Variants in PARP1 observed in about 807,000 individuals in gnomAD.
The protein encoded by PARP1 is poly(ADP-ribose) polymerase 1, also known as poly [ADP-ribose] polymerase 1.
A neutral mutation model predicts 118.7 loss-of-function variants in PARP1; 44 were observed. The observed-to-expected ratio is 0.37, with a 90% CI of 0.29 to 0.48. The LOEUF is 0.48. Among genes scored for constraint, PARP1 ranks in the 20% least tolerant of loss-of-function variants. The pLI, the probability that PARP1 is intolerant of heterozygous loss-of-function variation, is 0.99. For missense variants in PARP1, 1,100 were observed against 1,272.4 expected (o/e 0.86, Z 2.06); for synonymous variants, 492 against 483.2 (o/e 1.02, Z -0.24).
In PARP1 at chr1:226,379,945, C is replaced by A. The variant is rs775273327; in HGVS notation, c.1520G>T (p.Ser507Ile). The A allele has an allele frequency of 4.0e-5, 65 of 1,613,900 alleles. No individual in the cohort carries two copies. The South Asian group carries it at 6.8e-4, about 17-fold the overall frequency. ...ACCTTCCTCCTTGACCTGGCCCTTG[C>A]TTTTTTTGGAGAGCGCAGCCCCTGA... ...GKSGAALSKK[S>I]KGQVKEEGIN... The change falls in exon 10 of 23, where the codon AGC becomes ATC. Residue 507 changes from serine to isoleucine, a missense_variant. Physicochemically the swap from Ser to Ile is moderately radical, Grantham distance 142. Around this residue, in one of 2 missense-constraint regions of PARP1, gnomAD observed 948 missense variants for 1,031.8 expected, o/e 0.92. Coordinates refer to ENST00000366794, the MANE Select transcript of PARP1 (RefSeq NM_001618.4).
At chr1:226,367,686 T>A in intron 16 of PARP1, 78 bp from the exon 17 acceptor site, 3 of 1,546,580 alleles carry the variant, frequency 1.9e-6, no homozygotes, top group Non-Finnish European at 2.7e-6. Context: ...AGAGAAAACC[T>A]ACATGCAGAG....
chr1:226,381,299 G>T (rs901927041), intron 8 of PARP1, 91 bp from the exon 9 acceptor site: 1 of 1,467,686 alleles, frequency 6.8e-7, no homozygotes, highest in East Asian at 2.3e-5. Context: ...GCCAAGCAGC[G>T]AGCTCCTGGG....
Position 226,383,131 on chromosome 1 carries a change from C to T in PARP1, c.1064G>A (p.Arg355His), listed in dbSNP as rs746522692. 6.8e-6 allele frequency: 11 copies of T among 1,612,144 alleles called. No homozygotes were observed. The highest frequency in any genetic ancestry group is 1.8e-4 in the Middle Eastern group (1 of 5,536). The stretch of plus-strand genomic sequence containing the variant: ...GGCGCTGGTTTCTGGGGGGAATATA[C>T]GGTCCTGTTTTTTAACCTTCAATTT... ...LKKLKVKKQDRIFPPETSASV... is the reference protein window; with the variant it reads ...LKKLKVKKQDHIFPPETSASV... Residue 355 changes from arginine to histidine, a missense_variant, in exon 8 of 23, where the codon CGT (arginine) becomes CAT (histidine). Physicochemically the swap from Arg to His is conservative, Grantham distance 29. This residue lies in a region of PARP1 where 948 missense variants were observed against 1,031.8 expected (regional missense o/e 0.92). Coordinates refer to ENST00000366794, the MANE Select transcript of PARP1 (RefSeq NM_001618.4).
At position 226,403,114 on chromosome 1, in the gene PARP1, T is replaced by C. The variant is rs1263375495; in HGVS notation, c.121-735A>G. Among the ~76,000 whole-genome samples the C allele has an allele frequency of 2.6e-5, 4 of 152,324 alleles. No individual in the cohort carries two copies. The East Asian group carries it at 7.7e-4, about 29-fold the overall frequency. ...AGAAGTCTGGCCACAGGGAACACAG[T>C]TCCCCTCTCCAGGTGGTTTGCTTCC... On this transcript the variant is annotated intron_variant, in intron 1 of 22. Transcript: ENST00000366794.
At chr1:226,365,807 C>T (rs979540041) in intron 18 of PARP1, 147 bp downstream of exon 18, 5 of 576,680 alleles carry the variant, frequency 8.7e-6, no homozygotes, top group Non-Finnish European at 1.6e-5. Flanking sequence ...AAAAAAACTA[C>T]TAATTTTTCT....
chr1:226,393,392 G>T (rs900192725), intron 2 of PARP1, among the ~76,000 whole-genome samples: 41 of 152,326 alleles, frequency 2.7e-4, no homozygotes, highest in African/African-American at 9.9e-4. Context: ...TCTGCAATTT[G>T]ATCCATGGAT....
intron 17 of PARP1, 195 bp from the exon 18 acceptor site, chr1:226,366,247 C>T: frequency 3.4e-6 from 2 of 588,962 alleles, no homozygotes; most frequent in South Asian, 3.7e-5. Flanking sequence ...AAGCCTCCAC[C>T]TCTTCATCTA....
At chr1:226,403,420 C>T (rs3219022) in intron 1 of PARP1, among the ~76,000 whole-genome samples, 34,271 of 152,122 alleles carry the variant, frequency 0.23, 4,640 homozygotes, top group African/African-American at 0.37. Context: ...CCTCGTGACC[C>T]GCCCGCCTCG....
In PARP1 at chr1:226,379,566, T is replaced by C; in HGVS notation, c.1612+7A>G. 6.2e-7 allele frequency: 1 copy of C among 1,611,562 alleles called. No individual in the cohort carries two copies. Among genetic ancestry groups the C allele is most frequent in the South Asian group, 1.1e-5 (1 of 90,872 alleles). On this transcript the variant is annotated splice_region_variant and intron_variant, in intron 11 of 22. Coordinates refer to ENST00000366794, the MANE Select transcript of PARP1 (RefSeq NM_001618.4). ...AGCCCACTTTGCTGGCAGTCCTGTT[T>C]GCTTACCAGAATCAGGATCCACAGC...
In PARP1 at chr1:226,379,150, C is replaced by T. The variant is rs1382080542; in HGVS notation, c.1737G>A (p.Lys579=). 3 of 1,614,098 alleles carry T rather than the reference C, an allele frequency of 1.9e-6. No individual in the cohort carries two copies. The highest frequency in any genetic ancestry group is 2.5e-6 in the Non-Finnish European group (3 of 1,180,050). The part of the protein sequence containing the change: ...YYKLQLLEDD[K]ENRYWIFRSW... ...ACACCTGCAGAACTCACCTGTTTTC[C>T]TTGTCGTCCTCCAGAAGCTGCAGCT... The change falls in exon 12 of 23, where the codon AAG becomes AAA. Residue 579 remains lysine, a synonymous_variant. Coordinates refer to ENST00000366794, the MANE Select transcript of PARP1 (RefSeq NM_001618.4).
At chr1:226,399,807 G>T (rs761237918) in intron 2 of PARP1, among the ~76,000 whole-genome samples, 12 of 152,178 alleles carry the variant, frequency 7.9e-5, no homozygotes, top group Non-Finnish European at 1.5e-4. Flanking sequence ...AAAAGTCTGT[G>T]TATGTGTGGG....
chr1:226,371,965 C>T (rs1404589186), intron 14 of PARP1, among the ~76,000 whole-genome samples: 2 of 152,218 alleles, frequency 1.3e-5, no homozygotes, highest in East Asian at 3.9e-4. Flanking sequence ...GGAGCAGTGG[C>T]TCCACAGCTG....
At chr1:226,404,964 T>C (rs1168953513) in intron 1 of PARP1, among the ~76,000 whole-genome samples, 1 of 152,132 alleles carries the variant, frequency 6.6e-6, no homozygotes, top group Non-Finnish European at 1.5e-5. Context: ...CTCAAAGGTC[T>C]ACCGCCATCC....
In PARP1 at chr1:226,379,657, A is replaced by G; in HGVS notation, c.1544-16T>C. 1 of 1,586,762 alleles carries G rather than the reference A, an allele frequency of 6.3e-7. No individual in the cohort carries two copies. The highest frequency in any genetic ancestry group is 8.6e-7 in the Non-Finnish European group (1 of 1,157,268). On this transcript the variant is annotated splice_polypyrimidine_tract_variant and intron_variant, in intron 10 of 22. Coordinates refer to ENST00000366794, the MANE Select transcript of PARP1 (RefSeq NM_001618.4). ...TTGTTGATACCTTGGAGGAGAACAG[A>G]AAAATGTAAACATGAAGTTAAATGT...
intron 3 of PARP1, among the ~76,000 whole-genome samples, chr1:226,391,580 C>T (rs1375955208): frequency 1.3e-5 from 2 of 152,202 alleles, no homozygotes; most frequent in Non-Finnish European, 2.9e-5. Context: ...GGAGAAGATA[C>T]AGCAATTCCA....
intron 9 of PARP1, 66 bp downstream of exon 9, chr1:226,381,002 A>G (rs1664593399): frequency 6.4e-7 from 1 of 1,570,068 alleles, no homozygotes. Flanking sequence ...TTCCTCACTT[A>G]CTCGTCATCA....
chr1:226,406,041 G>A (rs1342533693), intron 1 of PARP1, among the ~76,000 whole-genome samples: 2 of 152,104 alleles, frequency 1.3e-5, no homozygotes, highest in African/African-American at 2.4e-5. Context: ...TAACCCGTGA[G>A]CTTTTAAGCA....
rs140136106 is a variant in PARP1, at chr1:226,379,155, C to T, written c.1732G>A (p.Asp578Asn). The change falls in exon 12 of 23, where the codon GAC becomes AAC. Residue 578 changes from aspartate (D) to asparagine (N), a missense_variant. Coordinates refer to ENST00000366794, the MANE Select transcript of PARP1 (RefSeq NM_001618.4). ...TGCAGAACTCACCTGTTTTCCTTGT[C>T]GTCCTCCAGAAGCTGCAGCTTGTAG... ...SYYKLQLLED[D>N]KENRYWIFRS... 2.0e-5 allele frequency: 33 copies of T among 1,614,094 alleles called. No individual in the cohort carries two copies. The highest frequency in any genetic ancestry group is 2.5e-5 in the Non-Finnish European group (29 of 1,180,044).
At chr1:226,367,217 A>G (rs566270168) in intron 17 of PARP1, 71 of 512,380 alleles carry the variant, frequency 1.4e-4, no homozygotes, top group African/African-American at 1.3e-3. Flanking sequence ...GACCCTCAAA[A>G]ATAAATTTGT....
Sources: allele counts gnomAD v4.1 joint callset (sites outside exome capture counted in the v4.1 genomes callset), GRCh38; gene constraint gnomAD v4.1.1; regional missense constraint gnomAD v4.1.1; transcripts MANE v1.5; gene names NCBI Gene and HGNC (gene_info 2026-07-23, HGNC 2026-07-21).